Variants in ARSF observed in about 807,000 individuals in gnomAD.
ARSF encodes arylsulfatase F.
ARSF carries 33 observed loss-of-function variants against 35.4 expected under a neutral mutation model. The ratio of observed to expected loss-of-function variants is 0.93; its 90% confidence interval spans 0.71 to 1.25. The LOEUF is 1.25. Ranked by LOEUF, ARSF falls within the 50% of genes most tolerant of loss-of-function variation. The probability of loss-of-function intolerance (pLI) is 0.00; values close to 1 mark genes in which losing one functional copy is unlikely to be tolerated. For missense variants in ARSF, 501 were observed against 480.2 expected (o/e 1.04, Z -0.40); for synonymous variants, 222 against 193.1 (o/e 1.15, Z -1.24).
At chrX:3,079,970 CAAAAAAAA>C (rs1224175073) in intron 4 of ARSF, among the ~76,000 whole-genome samples, 4 of 28,408 alleles carry the variant, frequency 1.4e-4, no homozygotes, top group Admixed American at 6.0e-4. Context: ...ACAACAACAA[CAAAAAAAA>C]AAAAAAAAAA....
At chrX:3,098,392 T>C (rs755377421) in intron 7 of ARSF, among the ~76,000 whole-genome samples, 1 of 111,359 alleles carries the variant, frequency 9.0e-6, no homozygotes, top group South Asian at 3.8e-4. Context: ...GTATGTGATA[T>C]GGTTTGGCTG....
At position 3,098,333 on chromosome X, in the gene ARSF, G is replaced by C. The variant is rs189114163; in HGVS notation, c.968-2754G>C. ...GGATGAAGAAAGCAAGTTGAAAACC[G>C]TTCATACAATATCAACCCAAATAGA... On this transcript the variant is annotated intron_variant, in intron 7 of 10. Transcript: ENST00000381127. 1.6e-3 allele frequency among the ~76,000 whole-genome samples: 165 copies of C among 106,331 alleles called. 1 individual carries two copies. Among genetic ancestry groups the C allele is most frequent in the African/African-American group, 5.2e-3 (152 of 29,341 alleles). The allele number at this position is 106,331 out of a possible 115,157, so 92.3% of individuals were successfully genotyped here.
intron 6 of ARSF, among the ~76,000 whole-genome samples, chrX:3,087,207 G>A (rs1412292369): frequency 8.9e-6 from 1 of 112,183 alleles, no homozygotes; most frequent in Non-Finnish European, 1.9e-5. Flanking sequence ...GAATGAGGAT[G>A]TGGATATCTT....
chrX:3,043,286 A>T (rs1304365056), intron 1 of ARSF, among the ~76,000 whole-genome samples: 1 of 112,455 alleles, frequency 8.9e-6, no homozygotes, highest in Admixed American at 9.4e-5. Context: ...AAATCCAAGC[A>T]GGTTGTATAT....
In ARSF at chrX:3,072,854, A is replaced by G. The variant is rs758431501; in HGVS notation, c.161+679A>G. On this transcript the variant is annotated intron_variant, in intron 3 of 10. Transcript: ENST00000381127. ...ATATATCATACATTTATTATATTAC[A>G]TATCCATATATTATGAATATATGAA... Among the ~76,000 whole-genome samples, 86 of 103,965 alleles carry G rather than the reference A, an allele frequency of 8.3e-4. No individual in the cohort carries two copies. The Middle Eastern group carries it at 0.016, about 19-fold the overall frequency. The allele number at this position is 103,965 out of a possible 115,157, so 90.3% of individuals were successfully genotyped here. A position where few individuals can be genotyped will look rare whatever the true frequency, so the allele number is the denominator to read the frequency against.
At chrX:3,072,218 A>C (rs1291757707) in intron 3 of ARSF, 43 bp downstream of exon 3, 1 of 1,176,527 alleles carries the variant, frequency 8.5e-7, no homozygotes, top group Non-Finnish European at 1.1e-6. Context: ...TCAGTCGTTC[A>C]GGTTCAGCAG....
At chrX:3,091,075 C>T (rs371146230) in intron 7 of ARSF, among the ~76,000 whole-genome samples, 42 of 110,684 alleles carry the variant, frequency 3.8e-4, no homozygotes, top group African/African-American at 1.2e-3. Flanking sequence ...CTACTGCGCC[C>T]GGCTAATTTT....
chrX:3,077,789 T>TTTATTATTATTATTATTATTATTATTA (rs760984034), intron 4 of ARSF, among the ~76,000 whole-genome samples: 41 of 92,212 alleles, frequency 4.4e-4, no homozygotes, highest in South Asian at 3.0e-3. Context: ...TTTTATTTTA[T>TTTATTATTATTATTATTATTATTATTA]TTATTATTAT....
At position 3,080,255 on chromosome X, in the gene ARSF, CAT is replaced by C. The variant is rs1569139496; in HGVS notation, c.284-635_284-634del. Among the ~76,000 whole-genome samples, 10 of 106,639 alleles carry C rather than the reference CAT, an allele frequency of 9.4e-5. No homozygotes were observed. The East Asian group carries it at 2.1e-3, about 23-fold the overall frequency. The allele number at this position is 106,639 out of a possible 115,157, so 92.6% of individuals were successfully genotyped here. A position where few individuals can be genotyped will look rare whatever the true frequency, so the allele number is the denominator to read the frequency against. ...CTTTGGGAGGCCAAGGCGGGCAGAT[CAT>C]GAGGTCCGGAGATGCAGACCATCCT... On this transcript the variant is annotated intron_variant, in intron 4 of 10. Transcript: ENST00000381127.
intron 7 of ARSF, among the ~76,000 whole-genome samples, chrX:3,099,086 T>TCCAC (rs2090358820): frequency 9.0e-6 from 1 of 111,290 alleles, no homozygotes; most frequent in Non-Finnish European, 1.9e-5. Flanking sequence ...TCCACATGTT[T>TCCAC]CTTATGCTTC....
chrX:3,096,282 A>G (rs983448809), intron 7 of ARSF, among the ~76,000 whole-genome samples: 3 of 110,992 alleles, frequency 2.7e-5, no homozygotes, highest in African/African-American at 9.8e-5. Flanking sequence ...ATCACCAGCT[A>G]CTATTCATTA....
chrX:3,112,594 C>T lies in ARSF; in HGVS notation c.*38C>T, dbSNP rs745826860. The T allele has an allele frequency of 1.3e-5, 15 of 1,151,657 alleles. No homozygotes were observed. Among genetic ancestry groups the T allele is most frequent in the South Asian group, 2.1e-5 (1 of 47,487 alleles). The allele number at this position is 1,151,657 out of a possible 1,213,427, so 94.9% of individuals were successfully genotyped here. A position where few individuals can be genotyped will look rare whatever the true frequency, so the allele number is the denominator to read the frequency against. Reference sequence around the variant, plus strand: ...TACCAGAGGAAGCCTTTGGTCCTAACGAGAAGAGATAATTACAATCAGGCT... The same window carrying T: ...TACCAGAGGAAGCCTTTGGTCCTAATGAGAAGAGATAATTACAATCAGGCT... On this transcript the variant is annotated 3_prime_UTR_variant, in exon 11 of 11. Coordinates refer to ENST00000381127, the MANE Select transcript of ARSF (RefSeq NM_001201539.2).
intron 7 of ARSF, among the ~76,000 whole-genome samples, chrX:3,092,895 G>T (rs1004534750): frequency 2.7e-5 from 3 of 112,165 alleles, no homozygotes; most frequent in African/African-American, 9.7e-5. Flanking sequence ...ATAGGTGGCC[G>T]GGCGCGGTGG....
intron 3 of ARSF, among the ~76,000 whole-genome samples, chrX:3,074,267 A>C (rs2090130526): frequency 9.0e-6 from 1 of 111,027 alleles, no homozygotes; most frequent in Non-Finnish European, 1.9e-5. Context: ...ATAATGTGAA[A>C]TCTAAAACCA....
chrX:3,093,097 C>T, intron 7 of ARSF, among the ~76,000 whole-genome samples: 1 of 110,722 alleles, frequency 9.0e-6, no homozygotes, highest in South Asian at 3.9e-4. Flanking sequence ...ACCTGGGAGG[C>T]AGAGCTTGCA....
At chrX:3,058,761 T>C (rs768766435) in intron 1 of ARSF, 24 of 203,465 alleles carry the variant, frequency 1.2e-4, no homozygotes, top group Non-Finnish European at 1.9e-5. Flanking sequence ...CTCCAGAGGC[T>C]GAGACTGGAG....
chrX:3,084,079 G>A (rs140127022), intron 5 of ARSF, among the ~76,000 whole-genome samples, 164 bp from the exon 6 acceptor site: 2,887 of 111,985 alleles, frequency 0.026, 46 homozygotes, highest in Middle Eastern at 0.06. Flanking sequence ...AAAAAATGTG[G>A]CTAAGTGGCA....
intron 1 of ARSF, among the ~76,000 whole-genome samples, chrX:3,051,497 C>T (rs148115486): frequency 0.016 from 1,808 of 111,916 alleles, 17 homozygotes; most frequent in Middle Eastern, 0.056. Context: ...CGTGATGAAA[C>T]GTAAATGGTT....
At chrX:3,090,142 A>C (rs2090278646) in intron 7 of ARSF, among the ~76,000 whole-genome samples, 1 of 111,577 alleles carries the variant, frequency 9.0e-6, no homozygotes, top group South Asian at 3.8e-4. Flanking sequence ...ACTTGATGTT[A>C]TGCTCCCACT....
Sources: allele counts gnomAD v4.1 joint callset (sites outside exome capture counted in the v4.1 genomes callset), GRCh38; gene constraint gnomAD v4.1.1; transcripts MANE v1.5; gene names NCBI Gene and HGNC (gene_info 2026-07-23, HGNC 2026-07-21).